Variants in PCDH11X observed in about 807,000 individuals in gnomAD.
PCDH11X encodes protocadherin 11 X-linked.
Under a neutral mutation model 53.3 loss-of-function variants are expected in PCDH11X, and 18 were observed. The observed-to-expected ratio is 0.34, with a 90% CI of 0.23 to 0.50. PCDH11X has a LOEUF of 0.50. PCDH11X is among the 20% of genes least tolerant of loss of function. The probability of loss-of-function intolerance (pLI) is 0.98; values close to 1 mark genes in which losing one functional copy is unlikely to be tolerated. For synonymous variants in PCDH11X, 279 were observed against 393.3 expected (o/e 0.71, Z 3.44); for missense variants, 570 against 1,032.4 (o/e 0.55, Z 6.14).
chrX:92,392,949 T>C (rs1383007964), intron 9 of PCDH11X, among the ~76,000 whole-genome samples: 100 of 109,945 alleles, frequency 9.1e-4, no homozygotes, highest in Non-Finnish European at 2.1e-4. Flanking sequence ...ACACTTCTGA[T>C]GTGGCAGAAA....
chrX:92,392,030 G>A (rs2071139902), intron 9 of PCDH11X, among the ~76,000 whole-genome samples: 1 of 110,791 alleles, frequency 9.0e-6, no homozygotes, highest in South Asian at 3.8e-4. Context: ...TATGTCATCT[G>A]TATTTTTTAA....
chrX:92,035,252 TTTC>T (rs1457599236), intron 6 of PCDH11X, among the ~76,000 whole-genome samples: 2 of 111,764 alleles, frequency 1.8e-5, no homozygotes, highest in Non-Finnish European at 3.8e-5. Context: ...CTTGGGATGA[TTTC>T]TTCCTGCTCA....
chrX:92,273,460 C>A (rs1311342835), intron 8 of PCDH11X, among the ~76,000 whole-genome samples: 3 of 111,508 alleles, frequency 2.7e-5, no homozygotes, highest in South Asian at 3.8e-4. Context: ...CCTTCTGGTC[C>A]TTTCCGTGCA....
chrX:92,124,194 T>C (rs1188370083), intron 6 of PCDH11X, among the ~76,000 whole-genome samples: 1 of 110,936 alleles, frequency 9.0e-6, no homozygotes, highest in African/African-American at 3.3e-5. Flanking sequence ...AAGATATACT[T>C]CAGTGGTTAC....
At chrX:92,547,461 T>A (rs1199960787) in intron 10 of PCDH11X, among the ~76,000 whole-genome samples, 1 of 109,963 alleles carries the variant, frequency 9.1e-6, no homozygotes, top group Non-Finnish European at 1.9e-5. Context: ...GAAGATTAAA[T>A]TGTAATCTTA....
At chrX:92,158,555 A>G (rs2065580641) in intron 6 of PCDH11X, among the ~76,000 whole-genome samples, 1 of 110,188 alleles carries the variant, frequency 9.1e-6, no homozygotes, top group South Asian at 3.8e-4. Context: ...TAGATAGTTG[A>G]CTCCTTACTT....
intron 7 of PCDH11X, among the ~76,000 whole-genome samples, chrX:92,241,030 G>A (rs1019978320): frequency 5.4e-5 from 6 of 111,110 alleles, no homozygotes; most frequent in Non-Finnish European, 7.5e-5. Flanking sequence ...AGGTTACACT[G>A]CCTCAGAAGA....
At chrX:91,905,526 C>T (rs1462015484) in intron 6 of PCDH11X, among the ~76,000 whole-genome samples, 1 of 111,190 alleles carries the variant, frequency 9.0e-6, no homozygotes, top group Non-Finnish European at 1.9e-5. Flanking sequence ...TTATTAAATG[C>T]TTTTCTCTTT....
intron 6 of PCDH11X, among the ~76,000 whole-genome samples, chrX:91,991,942 G>GT (rs1425883572): frequency 1.0e-5 from 1 of 98,186 alleles, no homozygotes; most frequent in Non-Finnish European, 2.0e-5. Flanking sequence ...ATTTCCAATT[G>GT]TTTTGTTAGT....
At chrX:92,214,935 CT>C (rs1346590806) in intron 7 of PCDH11X, among the ~76,000 whole-genome samples, 1 of 111,478 alleles carries the variant, frequency 9.0e-6, no homozygotes, top group Admixed American at 9.6e-5. Flanking sequence ...GTAGTCCCAG[CT>C]ACTTGGGAGG....
chrX:92,452,475 A>ACG (rs2072810935), intron 9 of PCDH11X, among the ~76,000 whole-genome samples: 1 of 55,740 alleles, frequency 1.8e-5, no homozygotes, highest in African/African-American at 9.0e-5. Flanking sequence ...ATATATATAT[A>ACG]TATATATATA....
At chrX:92,203,848 G>T (rs1481321786) in intron 7 of PCDH11X, among the ~76,000 whole-genome samples, 1 of 111,901 alleles carries the variant, frequency 8.9e-6, no homozygotes, top group Non-Finnish European at 1.9e-5. Context: ...ACCAATCCGG[G>T]TGGTACCAGT....
chrX:92,490,032 G>A lies in PCDH11X; in HGVS notation c.3367+21710G>A, dbSNP rs763724450. ...GGCAGAAAGATATACAACTTTGTAA[G>A]CATAGTAAAGCAATATAACCCTTCT... is the stretch of plus-strand genomic sequence containing the variant. On this transcript the variant is annotated intron_variant, in intron 10 of 10. Coordinates refer to ENST00000682573, the MANE Select transcript of PCDH11X (RefSeq NM_032968.5). Among the ~76,000 whole-genome samples, 38 of 108,524 alleles carry A rather than the reference G, an allele frequency of 3.5e-4. No homozygotes were observed. In the East Asian group the frequency reaches 0.011, roughly 31 times the overall value. 94.2% of individuals were successfully genotyped at this position (108,524 alleles called of 115,157 possible).
At chrX:92,125,756 G>A (rs1181545037) in intron 6 of PCDH11X, among the ~76,000 whole-genome samples, 2 of 109,712 alleles carry the variant, frequency 1.8e-5, no homozygotes. Flanking sequence ...TCGTTAACTC[G>A]TCATTTACAT....
intron 6 of PCDH11X, among the ~76,000 whole-genome samples, chrX:91,900,735 A>T (rs1205942543): frequency 3.7e-5 from 4 of 109,134 alleles, no homozygotes; most frequent in Non-Finnish European, 5.7e-5. Flanking sequence ...TATGGGGGTG[A>T]CTGTAAGACT....
intron 6 of PCDH11X, among the ~76,000 whole-genome samples, chrX:92,177,483 T>C (rs912109004): frequency 8.9e-6 from 1 of 112,029 alleles, no homozygotes; most frequent in Admixed American, 9.5e-5. Flanking sequence ...AACACTCTCA[T>C]CCTTGAGATG....
At chrX:92,206,296 T>G (rs1157252454) in intron 7 of PCDH11X, among the ~76,000 whole-genome samples, 1 of 111,891 alleles carries the variant, frequency 8.9e-6, no homozygotes, top group Non-Finnish European at 1.9e-5. Context: ...TTATGGTTTC[T>G]TATGAAATAT....
intron 6 of PCDH11X, among the ~76,000 whole-genome samples, chrX:92,105,042 C>T (rs1440682735): frequency 9.7e-6 from 1 of 103,013 alleles, no homozygotes; most frequent in African/African-American, 3.5e-5. Flanking sequence ...ATCCTTGAAA[C>T]GTGAGTGTAT....
At chrX:92,255,737 C>T (rs1228509849) in intron 7 of PCDH11X, among the ~76,000 whole-genome samples, 2 of 112,248 alleles carry the variant, frequency 1.8e-5, no homozygotes, top group Admixed American at 1.9e-4. Flanking sequence ...GAGGGTGCCT[C>T]CCAGTTAGGC....
Sources: allele counts gnomAD v4.1 joint callset (sites outside exome capture counted in the v4.1 genomes callset), GRCh38; gene constraint gnomAD v4.1.1; transcripts MANE v1.5; gene names NCBI Gene and HGNC (gene_info 2026-07-23, HGNC 2026-07-21).